The following SCYL2 variants were observed in gnomAD, a reference collection of about 807,000 sequenced individuals.
SCYL2 encodes the protein SCY1-like protein 2.
A neutral mutation model predicts 100.4 loss-of-function variants in SCYL2; 36 were observed. The ratio of observed to expected loss-of-function variants is 0.36; its 90% CI spans 0.27 to 0.47. The LOEUF (loss-of-function observed/expected upper bound fraction) is 0.47, where lower values mean the gene tolerates loss of function less well. SCYL2 is among the 20% of genes least tolerant of loss of function. The probability of loss-of-function intolerance (pLI) is 1.00; values close to 1 mark genes in which losing one functional copy is unlikely to be tolerated. For synonymous variants in SCYL2, 330 were observed against 359.2 expected (o/e 0.92, Z 0.92); for missense variants, 902 against 1,083.9 (o/e 0.83, Z 2.36).
intron 13 of SCYL2, among the ~76,000 whole-genome samples, chr12:100,330,324 A>T (rs1952193057): frequency 6.6e-6 from 1 of 152,212 alleles, no homozygotes; most frequent in Non-Finnish European, 1.5e-5. Flanking sequence ...TAATGTGTCC[A>T]AAGATTATTA....
chr12:100,336,309 C>T (rs536500480), intron 16 of SCYL2, among the ~76,000 whole-genome samples: 1 of 152,242 alleles, frequency 6.6e-6, no homozygotes, highest in Non-Finnish European at 1.5e-5. Flanking sequence ...TTTAATTTCT[C>T]TCCCACTCAC....
chr12:100,305,118 A>G (rs1394250528), intron 4 of SCYL2, among the ~76,000 whole-genome samples: 2 of 152,230 alleles, frequency 1.3e-5, no homozygotes, highest in Non-Finnish European at 2.9e-5. Flanking sequence ...TAACAAGGAT[A>G]TTCAGGACTT....
rs1371468201 is a variant in SCYL2, at chr12:100,312,639, A to T, written c.838A>T (p.Arg280Trp). 6.2e-7 allele frequency: 1 copy of T among 1,610,524 alleles called. No individual in the cohort carries two copies. Among genetic ancestry groups the T allele is most frequent in the Non-Finnish European group, 8.5e-7 (1 of 1,177,892 alleles). The stretch of plus-strand genomic sequence containing the variant: ...GCAAGATATTTACAAGAGTTTCAGT[A>T]GGCAGTTGGATCAGGTATTTGCCTA... Reference protein sequence around the residue: ...NKQDIYKSFSRQLDQLSRLGS... With the variant: ...NKQDIYKSFSWQLDQLSRLGS... Residue 280 changes from arginine to tryptophan, a missense_variant, in exon 6 of 18, where the codon AGG (arginine) becomes TGG (tryptophan). By Grantham distance (101) the Arg-to-Trp change is moderately radical (BLOSUM62 -3). Transcript: ENST00000360820.
intron 8 of SCYL2, 23 bp from the exon 9 acceptor site, chr12:100,315,535 T>TA (rs761374436): frequency 7.1e-5 from 109 of 1,543,750 alleles, no homozygotes; most frequent in South Asian, 1.5e-4. Context: ...ATTTTTTTTT[T>TA]AAAAAACATT....
At chr12:100,313,670 A>C (rs2096344983) in intron 7 of SCYL2, 132 bp downstream of exon 7, 1 of 583,124 alleles carries the variant, frequency 1.7e-6, no homozygotes, top group Non-Finnish European at 3.1e-6. Context: ...CTAAAGCAAC[A>C]GTCAGATACA....
At chr12:100,322,297 C>T (rs1378576615) in intron 10 of SCYL2, among the ~76,000 whole-genome samples, 5 of 139,038 alleles carry the variant, frequency 3.6e-5, no homozygotes, top group East Asian at 2.3e-4. Flanking sequence ...GGCGTGAACC[C>T]GGGAGGCGGA....
intron 1 of SCYL2, among the ~76,000 whole-genome samples, chr12:100,278,730 A>T (rs2096295107): frequency 6.6e-6 from 1 of 151,444 alleles, no homozygotes; most frequent in Middle Eastern, 3.5e-3. Context: ...CCCGGGTTCA[A>T]GCAATTCTTC....
intron 4 of SCYL2, among the ~76,000 whole-genome samples, chr12:100,299,016 G>A (rs1490026434): frequency 6.6e-6 from 1 of 152,128 alleles, no homozygotes; most frequent in African/African-American, 2.4e-5. Context: ...GATCACTTGA[G>A]CTCAGGAGTT....
intron 1 of SCYL2, among the ~76,000 whole-genome samples, chr12:100,281,854 AG>A (rs2096298908): frequency 6.6e-6 from 1 of 151,934 alleles, no homozygotes; most frequent in South Asian, 2.1e-4. Flanking sequence ...AAAAAAAGAA[AG>A]TACAAATTTA....
At chr12:100,318,600 G>C (rs2096352057) in intron 10 of SCYL2, among the ~76,000 whole-genome samples, 1 of 152,136 alleles carries the variant, frequency 6.6e-6, no homozygotes, top group Non-Finnish European at 1.5e-5. Context: ...CCAAAGTACT[G>C]GGATTATAAG....
intron 3 of SCYL2, among the ~76,000 whole-genome samples, chr12:100,295,189 A>T (rs1190201204): frequency 7.3e-6 from 1 of 136,494 alleles, no homozygotes; most frequent in African/African-American, 2.8e-5. Flanking sequence ...TGGCGGCCGG[A>T]CGGAGACGCT....
chr12:100,295,096 G>A (rs2096317641), intron 3 of SCYL2, among the ~76,000 whole-genome samples: 1 of 151,542 alleles, frequency 6.6e-6, no homozygotes, highest in African/African-American at 2.4e-5. Flanking sequence ...CATCTCAGAT[G>A]ATGGGCGGCC....
At chr12:100,275,145 A>G (rs2096291263) in intron 1 of SCYL2, among the ~76,000 whole-genome samples, 1 of 152,170 alleles carries the variant, frequency 6.6e-6, no homozygotes, top group Non-Finnish European at 1.5e-5. Context: ...CATACCCTTG[A>G]AACAGTATTT....
At chr12:100,338,491 T>G (rs1312020467) in intron 17 of SCYL2, 37 bp from the exon 18 acceptor site, 3 of 1,433,812 alleles carry the variant, frequency 2.1e-6, no homozygotes, top group Non-Finnish European at 2.8e-6. Flanking sequence ...GTAATTTATA[T>G]TTCTTAGAGA....
At chr12:100,276,337 A>G (rs373637002) in intron 1 of SCYL2, among the ~76,000 whole-genome samples, 1 of 151,464 alleles carries the variant, frequency 6.6e-6, no homozygotes, top group Non-Finnish European at 1.5e-5. Flanking sequence ...CTTTCTTTTT[A>G]TTTTTATTTT....
intron 9 of SCYL2, 45 bp downstream of exon 9, chr12:100,315,779 A>G: frequency 7.8e-7 from 1 of 1,285,484 alleles, no homozygotes; most frequent in Non-Finnish European, 1.1e-6. Flanking sequence ...GTTATTTATG[A>G]TTGTGACTAT....
chr12:100,271,260 C>CAAAAA (rs11354103), intron 1 of SCYL2, among the ~76,000 whole-genome samples: 17 of 83,288 alleles, frequency 2.0e-4, no homozygotes, highest in African/African-American at 4.7e-4. Context: ...TGCAGAGCAG[C>CAAAAA]AAAAAAAAAA....
At chr12:100,269,297 A>C (rs185948787) in intron 1 of SCYL2, among the ~76,000 whole-genome samples, 2 of 151,882 alleles carry the variant, frequency 1.3e-5, no homozygotes, top group African/African-American at 4.8e-5. Context: ...TGGTTATGCT[A>C]CTTCCTCTGC....
At position 100,337,474 on chromosome 12, in the gene SCYL2, C is replaced by G; in HGVS notation, c.2113C>G (p.Gln705Glu). 2 of 1,613,364 alleles carry G rather than the reference C, an allele frequency of 1.2e-6. No homozygotes were observed. The highest frequency in any genetic ancestry group is 2.7e-5 in the African/African-American group (2 of 74,998). The change falls in exon 17 of 18, where the codon CAA (glutamine) becomes GAA (glutamate). Residue 705 changes from glutamine (Q) to glutamate (E), a missense_variant. Physicochemically the swap from Gln to Glu is conservative, Grantham distance 29 (BLOSUM62 2). Transcript: ENST00000360820. ...GAAAAGCCAGCAGCCTCTTAAACCCCAAGTGCACACACCTGTTGCTACTGT... is the reference window on the plus strand; with the variant it reads ...GAAAAGCCAGCAGCCTCTTAAACCCGAAGTGCACACACCTGTTGCTACTGT... ...KLKSQQPLKP[Q>E]VHTPVATVKQ...
Sources: gnomAD v4.1 joint callset for allele counts (sites outside exome capture counted in the v4.1 genomes callset) on GRCh38, gnomAD v4.1.1 for gene constraint, MANE v1.5 for transcripts, NCBI Gene and HGNC (gene_info 2026-07-23, HGNC 2026-07-21) for gene names.